The following ZNF668 variants were observed in gnomAD, a reference collection of about 807,000 sequenced individuals.
The protein encoded by ZNF668 is zinc finger protein 668.
Under a neutral mutation model 40.3 loss-of-function variants are expected in ZNF668, and 10 were observed. That is an observed-to-expected ratio of 0.25 (90% CI 0.15 to 0.42). The LOEUF is 0.42. ZNF668 is among the 10% of genes least tolerant of loss of function. The pLI is 1.00. For synonymous variants in ZNF668, 428 were observed against 384.6 expected, an observed-to-expected ratio of 1.11 and a Z score of -1.32; for missense variants, 749 against 904.6, an observed-to-expected ratio of 0.83 and a Z score of 2.21.
At chr16:31,064,686 C>A in intron 1 of ZNF668, 8 of 1,536,030 alleles carry the variant, frequency 5.2e-6, no homozygotes, top group South Asian at 1.2e-5. Flanking sequence ...CGCAGAGCCA[C>A]TAAGAAAGGA....
chr16:31,061,944 A>G lies in ZNF668; in HGVS notation c.984T>C (p.Arg328=), dbSNP rs768496978. The change falls in exon 3 of 3, where the codon CGT becomes CGC. Residue 328 remains arginine, a synonymous_variant. Coordinates refer to ENST00000300849, the MANE Select transcript of ZNF668 (RefSeq NM_024706.5). The surrounding 1 kb of genome is among the most constrained non-coding windows in gnomAD (Gnocchi z 7.7). ...RQPADLAMHR[R]VHTGDRPFKC... is the part of the protein sequence containing the mutation. ...TGAACGGCCGGTCGCCTGTGTGCACACGCCGGTGCATGGCCAGGTCCGCCG... is the reference window on the plus strand; with the variant it reads ...TGAACGGCCGGTCGCCTGTGTGCACGCGCCGGTGCATGGCCAGGTCCGCCG... 178 of 1,613,554 alleles carry G rather than the reference A, an allele frequency of 1.1e-4. No homozygotes were observed. Among genetic ancestry groups the G allele is most frequent in the East Asian group, 9.1e-4 (41 of 44,876 alleles).
chr16:31,061,598 C>A lies in ZNF668; in HGVS notation c.1330G>T (p.Ala444Ser), dbSNP rs777423424. The stretch of plus-strand genomic sequence containing the variant: ...AGCCCCGCCCCTGCTGCCGGGGCGG[C>A]TGAACTCTCACCTGCCACGCCCACA... ...LPVGVAGESS[A>S]APAAGAGLGD... The change falls in exon 3 of 3, where the codon GCC (alanine) becomes TCC (serine). Residue 444 changes from alanine (A) to serine (S), a missense_variant. By Grantham distance (99) the Ala-to-Ser change is moderately conservative. Transcript: ENST00000300849. The surrounding 1 kb of genome is among the most constrained non-coding windows in gnomAD (Gnocchi z 7.7). 2.5e-6 allele frequency: 4 copies of A among 1,609,382 alleles called. No individual in the cohort carries two copies. In the Admixed American group the frequency reaches 6.7e-5, roughly 27 times the overall value.
chr16:31,068,220 TAAAA>T (rs767511878), intron 1 of ZNF668, among the ~76,000 whole-genome samples: 1 of 9,380 alleles, frequency 1.1e-4, no homozygotes, highest in East Asian at 3.2e-3. Flanking sequence ...ATCCCACCAT[TAAAA>T]AAAAAAAAAA....
intron 1 of ZNF668, chr16:31,064,732 C>G (rs769665190): frequency 6.6e-7 from 1 of 1,526,312 alleles, no homozygotes; most frequent in East Asian, 2.4e-5. Context: ...TACACGTCCC[C>G]CCCCGCCCCC....
At chr16:31,066,722 TAATC>T (rs982302930) in intron 1 of ZNF668, among the ~76,000 whole-genome samples, 5 of 149,442 alleles carry the variant, frequency 3.3e-5, no homozygotes, top group Non-Finnish European at 7.5e-5. Context: ...AATCAATCAA[TAATC>T]AATCCTGGGG....
intron 1 of ZNF668, chr16:31,064,938 AT>A (rs1199388450): frequency 7.4e-7 from 1 of 1,347,104 alleles, no homozygotes; most frequent in Non-Finnish European, 9.5e-7. Flanking sequence ...AATGGGCTAA[AT>A]CTGGTAGCTG....
chr16:31,064,414 T>G lies in ZNF668; in HGVS notation c.46A>C (p.Lys16Gln). The G allele has an allele frequency of 6.2e-7, 1 of 1,613,124 alleles. No individual in the cohort carries two copies. The highest frequency in any genetic ancestry group is 8.5e-7 in the Non-Finnish European group (1 of 1,179,964). The change falls in exon 2 of 3, where the codon AAG becomes CAG. Residue 16 changes from lysine to glutamine, a missense_variant. Physicochemically the swap from Lys to Gln is moderately conservative, Grantham distance 53. Coordinates refer to ENST00000300849, the MANE Select transcript of ZNF668 (RefSeq NM_024706.5). ...CACTTGTAGCGGCGGCCCGAGCGCT[T>G]GTAGCCGGGGGCTGGGGACCGGGCC... The part of the protein sequence containing the change: ...AEARSPAPGY[K>Q]RSGRRYKCLS...
Position 31,061,675 on chromosome 16 carries a change from T to A in ZNF668, c.1253A>T (p.Glu418Val). The A allele has an allele frequency of 2.5e-6, 4 of 1,613,430 alleles. No individual in the cohort carries two copies. In the East Asian group the frequency reaches 8.9e-5, roughly 36 times the overall value. Residue 418 changes from glutamate (E) to valine (V), a missense_variant, in exon 3 of 3, where the codon GAG (glutamate) becomes GTG (valine). This residue lies in a region of ZNF668 where 310 missense variants were observed against 355.1 expected (regional missense o/e 0.87). Transcript: ENST00000300849. The surrounding 1 kb of genome is among the most constrained non-coding windows in gnomAD (Gnocchi z 7.7). The part of the protein sequence containing the change: ...RKHERTHRSS[E>V]AAGVPPAQEL... ...CTGTGCAGGGGGCACACCCGCGGCC[T>A]CACTGCTTCGATGGGTCCGCTCGTG... is the stretch of plus-strand genomic sequence containing the variant.
At chr16:31,065,383 G>A (rs1260257413) in intron 1 of ZNF668, 1 of 153,426 alleles carries the variant, frequency 6.5e-6, no homozygotes, top group Non-Finnish European at 1.4e-5. Flanking sequence ...GGGATGAAGG[G>A]AAGAGGATTA....
intron 1 of ZNF668, among the ~76,000 whole-genome samples, chr16:31,067,490 GTGTAATGTAC>G (rs1304167791): frequency 1.3e-5 from 2 of 152,148 alleles, no homozygotes; most frequent in Non-Finnish European, 2.9e-5. Context: ...ATGTGACCGT[GTGTAATGTAC>G]TGCATGTCTT....
At chr16:31,066,966 A>C (rs1475883655) in intron 1 of ZNF668, among the ~76,000 whole-genome samples, 1 of 151,728 alleles carries the variant, frequency 6.6e-6, no homozygotes, top group Non-Finnish European at 1.5e-5. Context: ...GGATCGCTTG[A>C]GCCCAGGAGT....
intron 1 of ZNF668, chr16:31,065,234 G>C: frequency 1.3e-6 from 1 of 742,420 alleles, no homozygotes; most frequent in Non-Finnish European, 1.6e-6. Flanking sequence ...TGGCCTCCTG[G>C]GATACCAGCT....
chr16:31,064,019 C>T lies in ZNF668; in HGVS notation c.441G>A (p.Lys147=), dbSNP rs758621250. 6.2e-7 allele frequency: 1 copy of T among 1,606,706 alleles called. No homozygotes were observed. The highest frequency in any genetic ancestry group is 1.1e-5 in the South Asian group (1 of 90,858). The change falls in exon 2 of 3, where the codon AAG becomes AAA. Residue 147 remains lysine, a synonymous_variant. Coordinates refer to ENST00000300849, the MANE Select transcript of ZNF668 (RefSeq NM_024706.5). ...TGAGCTTGGAGAGCGCGCCATAGGC[C>T]TTCGGGCAGTGCGCACAGCGGAAGG... ...ELPFRCAHCP[K]AYGALSKLKI...
chr16:31,073,192 G>A (rs2057030325), intron 1 of ZNF668: 1 of 152,452 alleles, frequency 6.6e-6, no homozygotes, highest in African/African-American at 2.4e-5. Context: ...TGGCAAGGAG[G>A]ACTGAACGAA....
rs752299021 is a variant in ZNF668 at position 31,063,995 on chromosome 16, G to A, written c.465C>T (p.Leu155=). 1 of 1,609,924 alleles carries A rather than the reference G, an allele frequency of 6.2e-7. No homozygotes were observed. Among genetic ancestry groups the A allele is most frequent in the Admixed American group, 1.7e-5 (1 of 59,864 alleles). ...CTGTGTGGCCACGCTGGTGGATCTT[G>A]AGCTTGGAGAGCGCGCCATAGGCCT... ...CPKAYGALSK[L]KIHQRGHTGE... Residue 155 remains leucine, a synonymous_variant, in exon 2 of 3, where the codon CTC becomes CTT. Transcript: ENST00000300849.
At chr16:31,071,378 G>A (rs985288089) in intron 1 of ZNF668, among the ~76,000 whole-genome samples, 2 of 151,932 alleles carry the variant, frequency 1.3e-5, no homozygotes, top group South Asian at 2.1e-4. Flanking sequence ...CATTGGCCAC[G>A]CTGGTCTCGA....
At chr16:31,062,857 G>A (rs568866524) in intron 2 of ZNF668, 1 of 151,264 alleles carries the variant, frequency 6.6e-6, no homozygotes, top group African/African-American at 2.4e-5. Context: ...CACTTTGGGA[G>A]GCCGAGGCGG....
At position 31,064,409 on chromosome 16, in the gene ZNF668, G is replaced by C. The variant is rs765338752; in HGVS notation, c.51C>G (p.Arg17=). Residue 17 remains arginine, a synonymous_variant, in exon 2 of 3, where the codon CGC becomes CGG. Coordinates refer to ENST00000300849, the MANE Select transcript of ZNF668 (RefSeq NM_024706.5). ...EARSPAPGYK[R]SGRRYKCLSC... Reference sequence around the variant, plus strand: ...ACAGGCACTTGTAGCGGCGGCCCGAGCGCTTGTAGCCGGGGGCTGGGGACC... The same window carrying C: ...ACAGGCACTTGTAGCGGCGGCCCGACCGCTTGTAGCCGGGGGCTGGGGACC... 6.2e-7 allele frequency: 1 copy of C among 1,613,098 alleles called. No homozygotes were observed. Among genetic ancestry groups the C allele is most frequent in the African/African-American group, 1.3e-5 (1 of 74,956 alleles).
At chr16:31,068,528 T>C (rs1225737254) in intron 1 of ZNF668, among the ~76,000 whole-genome samples, 1 of 150,934 alleles carries the variant, frequency 6.6e-6, no homozygotes, top group Non-Finnish European at 1.5e-5. Flanking sequence ...AGACTTTTTT[T>C]TTTTTTTTTA....
Sources: gnomAD v4.1 joint callset for allele counts (sites outside exome capture counted in the v4.1 genomes callset) on GRCh38, gnomAD v4.1.1 for gene constraint, gnomAD v4.1.1 regional missense constraint, Gnocchi (gnomAD v3.1) non-coding constraint, MANE v1.5 for transcripts, NCBI Gene and HGNC (gene_info 2026-07-23, HGNC 2026-07-21) for gene names.